Variants in PLA2G4D observed in about 807,000 individuals in gnomAD.
PLA2G4D encodes cytosolic phospholipase A2 delta.
PLA2G4D carries 80 observed loss-of-function variants against 94.4 expected under a neutral mutation model. The ratio of observed to expected loss-of-function variants is 0.85; its 90% CI spans 0.71 to 1.02. The LOEUF is 1.02. PLA2G4D is among the 50% of genes least tolerant of loss of function. The pLI, the probability that PLA2G4D is intolerant of heterozygous loss-of-function variation, is 0.00. For missense variants in PLA2G4D, 1,050 were observed against 1,034.7 expected, an observed-to-expected ratio of 1.01 and a Z score of -0.20; for synonymous variants, 438 against 440.9, an observed-to-expected ratio of 0.99 and a Z score of 0.08.
intron 1 of PLA2G4D, among the ~76,000 whole-genome samples, chr15:42,092,825 C>T (rs1313189371): frequency 3.3e-5 from 5 of 152,312 alleles, no homozygotes; most frequent in African/African-American, 9.6e-5. Flanking sequence ...CCCAAGAGAG[C>T]TTAAGGGGGT....
Position 42,086,194 on chromosome 15 carries a change from T to TTGGGGGGGCC in PLA2G4D, c.387+18_387+19insGGCCCCCCCA. 24 of 1,370,424 alleles carry TTGGGGGGGCC rather than the reference T, an allele frequency of 1.8e-5. No homozygotes were observed. Among genetic ancestry groups the TTGGGGGGGCC allele is most frequent in the East Asian group, 2.7e-5 (1 of 37,160 alleles). 84.9% of individuals were successfully genotyped at this position (1,370,424 alleles called of 1,614,324 possible). ...GGAAGAAGTGGGGCCCACGGGGACTTCCCCACCCACCCACCCACCTGGGGA... is the reference window on the plus strand; with the variant it reads ...GGAAGAAGTGGGGCCCACGGGGACTTTGGGGGGGCCCCCCACCCACCCACCCACCTGGGGA... On this transcript the variant is annotated intron_variant, in intron 4 of 19. Coordinates refer to ENST00000290472, the MANE Select transcript of PLA2G4D (RefSeq NM_178034.4).
chr15:42,069,706 C>A (rs1198556517), intron 19 of PLA2G4D, among the ~76,000 whole-genome samples: 1 of 152,132 alleles, frequency 6.6e-6, no homozygotes, highest in Non-Finnish European at 1.5e-5. Flanking sequence ...GCATAGCGAC[C>A]CTGCAAACAG....
At chr15:42,089,706 C>A (rs1289012614) in intron 1 of PLA2G4D, among the ~76,000 whole-genome samples, 1 of 152,146 alleles carries the variant, frequency 6.6e-6, no homozygotes, top group Non-Finnish European at 1.5e-5. Flanking sequence ...GTTTGAATGT[C>A]CCGCTCCAAG....
intron 3 of PLA2G4D, among the ~76,000 whole-genome samples, chr15:42,087,075 G>A (rs1890164042): frequency 6.6e-6 from 1 of 152,160 alleles, no homozygotes; most frequent in African/African-American, 2.4e-5. Flanking sequence ...GGCTTCGAGA[G>A]GAACCCAGCT....
chr15:42,070,213 T>A, intron 18 of PLA2G4D, 118 bp from the exon 19 acceptor site: 1 of 1,062,208 alleles, frequency 9.4e-7, no homozygotes, highest in Non-Finnish European at 1.3e-6. Context: ...GTCCTGTTTG[T>A]GGTCGGGCCA....
chr15:42,083,411 C>T, intron 7 of PLA2G4D, 77 bp from the exon 8 acceptor site: 12 of 1,532,010 alleles, frequency 7.8e-6, no homozygotes, highest in Non-Finnish European at 1.1e-5. Flanking sequence ...GCAGCACCAC[C>T]ACCTGGATTC....
At chr15:42,069,657 AG>A (rs1237475001) in intron 19 of PLA2G4D, among the ~76,000 whole-genome samples, 1 of 152,010 alleles carries the variant, frequency 6.6e-6, no homozygotes, top group Admixed American at 6.5e-5. Context: ...GGCAAGTGGA[AG>A]GCTGCAGGAG....
intron 13 of PLA2G4D, 85 bp downstream of exon 13, chr15:42,079,452 G>C: frequency 1.5e-6 from 2 of 1,311,962 alleles, no homozygotes; most frequent in Non-Finnish European, 2.1e-6. Context: ...CAAGAAATAC[G>C]CACGCGCATG....
intron 13 of PLA2G4D, among the ~76,000 whole-genome samples, chr15:42,078,555 A>G (rs1889972429): frequency 1.3e-5 from 2 of 152,250 alleles, no homozygotes; most frequent in African/African-American, 4.8e-5. Context: ...GCAGTGTTGT[A>G]CTTAACCGGT....
chr15:42,089,767 C>A (rs78594013), intron 1 of PLA2G4D, among the ~76,000 whole-genome samples: 7 of 152,068 alleles, frequency 4.6e-5, no homozygotes, highest in Non-Finnish European at 8.8e-5. Flanking sequence ...CCTGCTCCCC[C>A]GGCCAGGCTG....
chr15:42,094,178 G>A (rs560238893), intron 1 of PLA2G4D, among the ~76,000 whole-genome samples: 1 of 152,296 alleles, frequency 6.6e-6, no homozygotes, highest in South Asian at 2.1e-4. Context: ...TAAGGACACT[G>A]CTGTGGTCGC....
chr15:42,080,965 G>T (rs114166712), intron 12 of PLA2G4D, 32 bp downstream of exon 12: 6 of 1,607,052 alleles, frequency 3.7e-6, no homozygotes, highest in Non-Finnish European at 5.1e-6. Flanking sequence ...GCCCCTGATT[G>T]TCTCTGCCAC....
chr15:42,081,615 C>T lies in PLA2G4D; in HGVS notation c.822-1G>A, dbSNP rs753749872. ...CAGGTGCACGGCCAGCTCCTCAGGG[C>T]TGTGGCAATGGAGGATCCAGGGGTC... On this transcript the variant is annotated splice_acceptor_variant, in intron 10 of 19. Coordinates refer to ENST00000290472, the MANE Select transcript of PLA2G4D (RefSeq NM_178034.4). LOFTEE classifies it high-confidence loss of function. The T allele has an allele frequency of 6.2e-7, 1 of 1,613,928 alleles. No homozygotes were observed. Among genetic ancestry groups the T allele is most frequent in the Admixed American group, 1.7e-5 (1 of 60,020 alleles).
At chr15:42,082,201 G>A in intron 9 of PLA2G4D, 78 bp downstream of exon 9, 2 of 1,273,620 alleles carry the variant, frequency 1.6e-6, no homozygotes, top group Admixed American at 1.9e-5. Context: ...CAAAGTGCTG[G>A]GATTACAGGC....
At chr15:42,070,499 G>A (rs1188916474) in intron 18 of PLA2G4D, 1 of 592,596 alleles carries the variant, frequency 1.7e-6, no homozygotes, top group Non-Finnish European at 2.9e-6. Context: ...GGTGTGGGGA[G>A]GTCCCTCCCT....
At chr15:42,069,022 C>T in intron 19 of PLA2G4D, 81 bp from the exon 20 acceptor site, 2 of 1,291,062 alleles carry the variant, frequency 1.5e-6, no homozygotes, top group East Asian at 2.5e-5. Context: ...GAGGGCTGCC[C>T]CCGCTGGAGG....
chr15:42,076,667 G>A (rs918861301), intron 13 of PLA2G4D, among the ~76,000 whole-genome samples: 6 of 152,164 alleles, frequency 3.9e-5, no homozygotes, highest in African/African-American at 1.4e-4. Context: ...TATGATAAAT[G>A]TTCCTTTCAC....
In PLA2G4D at chr15:42,079,620, G is replaced by T. The variant is rs372294896; in HGVS notation, c.1234C>A (p.Leu412Met). ...TGGCCCTGCTCAGCCCGCAGCTCCAGCTCCCGGCGGTAGCTCGCCAGGCGC... is the reference window on the plus strand; with the variant it reads ...TGGCCCTGCTCAGCCCGCAGCTCCATCTCCCGGCGGTAGCTCGCCAGGCGC... ...PERLASYRRELELRAEQGHPT... is the reference protein window; with the variant it reads ...PERLASYRREMELRAEQGHPT... The change falls in exon 13 of 20, where the codon CTG becomes ATG. Residue 412 changes from leucine (L) to methionine (M), a missense_variant. Coordinates refer to ENST00000290472, the MANE Select transcript of PLA2G4D (RefSeq NM_178034.4). 1 of 1,611,420 alleles carries T rather than the reference G, an allele frequency of 6.2e-7. No individual in the cohort carries two copies. The highest frequency in any genetic ancestry group is 8.5e-7 in the Non-Finnish European group (1 of 1,179,118).
At chr15:42,074,950 G>A (rs1305331043) in intron 13 of PLA2G4D, among the ~76,000 whole-genome samples, 2 of 152,264 alleles carry the variant, frequency 1.3e-5, no homozygotes, top group Non-Finnish European at 1.5e-5. Context: ...TTGAGACAGA[G>A]TCTCACTCTA....
Sources: allele counts gnomAD v4.1 joint callset (sites outside exome capture counted in the v4.1 genomes callset), GRCh38; gene constraint gnomAD v4.1.1; transcripts MANE v1.5; gene names NCBI Gene and HGNC (gene_info 2026-07-23, HGNC 2026-07-21).